MGRN1: variants seen among roughly 807,000 people sequenced by gnomAD.
MGRN1 encodes the protein mahogunin ring finger 1, also known as E3 ubiquitin-protein ligase MGRN1.
A neutral mutation model predicts 69.2 loss-of-function variants in MGRN1; 29 were observed. The observed-to-expected ratio is 0.42, with a 90% CI of 0.31 to 0.57. MGRN1 has a LOEUF of 0.57. Ranked by LOEUF, MGRN1 falls within the 20% of genes least tolerant of loss-of-function variation. The pLI is 0.15. For missense variants in MGRN1, 998 were observed against 796.2 expected, an observed-to-expected ratio of 1.25 and a Z score of -3.05; for synonymous variants, 470 against 344.2, an observed-to-expected ratio of 1.37 and a Z score of -4.04.
intron 1 of MGRN1, among the ~76,000 whole-genome samples, chr16:4,636,741 G>C (rs888146835): frequency 1.3e-5 from 2 of 152,100 alleles, no homozygotes; most frequent in African/African-American, 4.8e-5. Flanking sequence ...GATGACCAGT[G>C]AGGTTGAGCG....
chr16:4,637,002 C>A (rs1018713585), intron 1 of MGRN1, among the ~76,000 whole-genome samples: 2 of 151,446 alleles, frequency 1.3e-5, no homozygotes, highest in African/African-American at 4.9e-5. Flanking sequence ...GCCTGTAGTC[C>A]CAGCTACTTG....
intron 1 of MGRN1, among the ~76,000 whole-genome samples, chr16:4,647,848 G>C (rs1248689671): frequency 6.6e-6 from 1 of 152,014 alleles, no homozygotes. Context: ...GTGGGGCTGC[G>C]GCTCCCAACC....
chr16:4,687,399 C>T, intron 16 of MGRN1: 1 of 909,682 alleles, frequency 1.1e-6, no homozygotes, highest in South Asian at 5.0e-5. Context: ...AAAAAATTGG[C>T]TTGGGCGTGG....
chr16:4,688,509 A>G, intron 16 of MGRN1: 11 of 1,197,980 alleles, frequency 9.2e-6, no homozygotes, highest in Non-Finnish European at 1.0e-5. Flanking sequence ...CCCAGAGGGC[A>G]TCCACCGCGG....
At chr16:4,650,274 G>T (rs922863554) in intron 1 of MGRN1, 91 bp from the exon 2 acceptor site, 91 of 1,005,170 alleles carry the variant, frequency 9.1e-5, no homozygotes, top group African/African-American at 1.3e-4. Flanking sequence ...CTGCACTCCA[G>T]CCTGGGTGGA....
chr16:4,625,453 C>T (rs1180840965), intron 1 of MGRN1, among the ~76,000 whole-genome samples: 2 of 152,238 alleles, frequency 1.3e-5, no homozygotes, highest in Non-Finnish European at 2.9e-5. Flanking sequence ...CCGGCTTTCG[C>T]TTTCTTTAGT....
chr16:4,645,729 G>A (rs547269670), intron 1 of MGRN1, among the ~76,000 whole-genome samples: 2 of 152,284 alleles, frequency 1.3e-5, no homozygotes, highest in Admixed American at 6.5e-5. Context: ...GCCCCGAGGT[G>A]TGAGTGGGCC....
At chr16:4,657,155 T>C in intron 4 of MGRN1, 91 bp from the exon 5 acceptor site, 2 of 1,228,680 alleles carry the variant, frequency 1.6e-6, no homozygotes, top group Non-Finnish European at 2.4e-6. Context: ...GACAGGTGTC[T>C]GCGGCCCTTC....
At chr16:4,630,277 G>C (rs543285146) in intron 1 of MGRN1, among the ~76,000 whole-genome samples, 1 of 150,348 alleles carries the variant, frequency 6.7e-6, no homozygotes, top group Admixed American at 6.6e-5. Context: ...GCTGGAACCC[G>C]GAGCGCGGCA....
chr16:4,654,554 C>T (rs1478839208), intron 4 of MGRN1, among the ~76,000 whole-genome samples: 11 of 152,228 alleles, frequency 7.2e-5, no homozygotes, highest in Middle Eastern at 3.2e-3. Flanking sequence ...TGGAGCACAC[C>T]GCTCAGTGGT....
intron 1 of MGRN1, among the ~76,000 whole-genome samples, chr16:4,642,415 A>G (rs1036966247): frequency 6.6e-6 from 1 of 151,838 alleles, no homozygotes; most frequent in Non-Finnish European, 1.5e-5. Flanking sequence ...CTCCTGCCTC[A>G]GCCTTCTGAG....
intron 8 of MGRN1, among the ~76,000 whole-genome samples, chr16:4,669,863 C>G (rs1433802362): frequency 6.6e-6 from 1 of 151,842 alleles, no homozygotes; most frequent in Non-Finnish European, 1.5e-5. Context: ...TCCTGGTGGC[C>G]TCACAAGTAG....
At chr16:4,629,933 C>G (rs1044778356) in intron 1 of MGRN1, among the ~76,000 whole-genome samples, 2 of 151,198 alleles carry the variant, frequency 1.3e-5, no homozygotes, top group African/African-American at 4.9e-5. Context: ...GTAATCCCAG[C>G]TACTCAGGAG....
At chr16:4,665,745 C>G (rs2078789158) in intron 7 of MGRN1, among the ~76,000 whole-genome samples, 1 of 149,322 alleles carries the variant, frequency 6.7e-6, no homozygotes. Context: ...TCTGTGTTCA[C>G]TGCAACCTCT....
intron 4 of MGRN1, among the ~76,000 whole-genome samples, chr16:4,653,284 A>G (rs766820040): frequency 2.6e-4 from 39 of 152,234 alleles, no homozygotes; most frequent in Non-Finnish European, 5.0e-4. Flanking sequence ...AGAGGTTCAC[A>G]GGGTGAGGTG....
At chr16:4,638,093 G>A (rs968919704) in intron 1 of MGRN1, among the ~76,000 whole-genome samples, 2 of 152,180 alleles carry the variant, frequency 1.3e-5, no homozygotes, top group Admixed American at 6.6e-5. Context: ...CACACCTGCC[G>A]GAGGCTCCTT....
chr16:4,654,359 A>G (rs1241596078), intron 4 of MGRN1, among the ~76,000 whole-genome samples: 6 of 152,198 alleles, frequency 3.9e-5, no homozygotes, highest in Non-Finnish European at 7.3e-5. Flanking sequence ...TTTATTTTTT[A>G]TTGTGTCATA....
intron 1 of MGRN1, among the ~76,000 whole-genome samples, chr16:4,645,836 CA>C (rs1335676696): frequency 6.6e-6 from 1 of 152,068 alleles, no homozygotes; most frequent in Non-Finnish European, 1.5e-5. Context: ...GCAGTGGGTC[CA>C]GAAACAACAG....
intron 10 of MGRN1, chr16:4,676,805 C>G (rs554753851): frequency 6.6e-6 from 1 of 152,644 alleles, no homozygotes; most frequent in African/African-American, 2.4e-5. Context: ...TTTATCTTCT[C>G]TGCTCCCAGT....
Sources: gnomAD v4.1 joint callset for allele counts (sites outside exome capture counted in the v4.1 genomes callset) on GRCh38, gnomAD v4.1.1 for gene constraint, MANE v1.5 for transcripts, NCBI Gene and HGNC (gene_info 2026-07-23, HGNC 2026-07-21) for gene names.